The following GALNT3 variants were observed in gnomAD, a reference collection of about 807,000 sequenced individuals.
The protein encoded by GALNT3 is GalNAc transferase 3.
A neutral mutation model predicts 69.8 loss-of-function variants in GALNT3; 51 were observed. The observed-to-expected ratio is 0.73, with a 90% CI of 0.58 to 0.92. GALNT3 has a LOEUF of 0.92. Ranked by LOEUF, GALNT3 falls within the 40% of genes least tolerant of loss-of-function variation. The pLI is 0.00. For missense variants in GALNT3, 711 were observed against 760.0 expected (o/e 0.94, Z 0.76); for synonymous variants, 265 against 248.5 (o/e 1.07, Z -0.63).
intron 2 of GALNT3, 121 bp from the exon 3 acceptor site, chr2:165,765,177 T>A (rs958429901): frequency 2.6e-5 from 23 of 891,204 alleles, no homozygotes; most frequent in Non-Finnish European, 5.3e-6. Context: ...AGTTTTCTTG[T>A]ATGTGATATA....
chr2:165,761,731 A>T, intron 4 of GALNT3, 174 bp downstream of exon 4: 2 of 753,548 alleles, frequency 2.7e-6, no homozygotes, highest in Non-Finnish European at 4.8e-6. Context: ...AGTGAAAGGA[A>T]TTTTCTCCAC....
chr2:165,758,553 A>G, intron 6 of GALNT3, 194 bp downstream of exon 6: 3 of 475,548 alleles, frequency 6.3e-6, no homozygotes, highest in Non-Finnish European at 1.1e-5. Context: ...CTCTTGTTAC[A>G]CTGGCGACAA....
At chr2:165,762,357 C>T (rs1053331459) in intron 3 of GALNT3, among the ~76,000 whole-genome samples, 20 of 151,930 alleles carry the variant, frequency 1.3e-4, no homozygotes, top group Non-Finnish European at 2.1e-4. Flanking sequence ...CAACCCTAGC[C>T]GTTCAAAAGA....
At chr2:165,755,686 C>A (rs913313193) in intron 7 of GALNT3, among the ~76,000 whole-genome samples, 6 of 152,220 alleles carry the variant, frequency 3.9e-5, no homozygotes, top group Admixed American at 3.3e-4. Flanking sequence ...TTTTAAAAAA[C>A]CATTATTAAA....
rs895901555 is a variant in GALNT3 at position 165,761,957 on chromosome 2, C to A, written c.786G>T (p.Leu262Phe). ...CAGCTGTTGCGACTGTTGCTCCTAG[C>A]AACCGAGCAGTGATCAGACCTTTTC... ...RERKGLITAR[L>F]LGATVATAET... The change falls in exon 4 of 11, where the codon TTG (leucine) becomes TTT (phenylalanine). Residue 262 changes from leucine (L) to phenylalanine (F), a missense_variant. By Grantham distance (22) the Leu-to-Phe change is conservative. Transcript: ENST00000392701. 1 of 1,614,014 alleles carries A rather than the reference C, an allele frequency of 6.2e-7. No homozygotes were observed. The highest frequency in any genetic ancestry group is 8.5e-7 in the Non-Finnish European group (1 of 1,179,936).
At position 165,770,408 on chromosome 2, in the gene GALNT3, A is replaced by C. The variant is rs143136193; in HGVS notation, c.293T>G (p.Leu98Trp). ...TTCTGCTGCTGTATAATATCCTTGCAAACAAGGTCTCTCACCAGCATCAAT... is the reference window on the plus strand; with the variant it reads ...TTCTGCTGCTGTATAATATCCTTGCCAACAAGGTCTCTCACCAGCATCAAT... Reference protein sequence around the residue: ...QNIDAGERPCLQGYYTAAELK... With the variant: ...QNIDAGERPCWQGYYTAAELK... The change falls in exon 2 of 11, where the codon TTG becomes TGG. Residue 98 changes from leucine (L) to tryptophan (W), a missense_variant. Leu to Trp is a moderately conservative substitution (Grantham distance 61). Coordinates refer to ENST00000392701, the MANE Select transcript of GALNT3 (RefSeq NM_004482.4). 1.3e-4 allele frequency: 210 copies of C among 1,614,098 alleles called. No individual in the cohort carries two copies. The highest frequency in any genetic ancestry group is 8.7e-4 in the African/African-American group (65 of 74,940).
intron 1 of GALNT3, chr2:165,771,475 G>C (rs901885102): frequency 6.6e-6 from 1 of 152,124 alleles, no homozygotes; most frequent in East Asian, 1.9e-4. Context: ...ATAGTAAAAA[G>C]AGAATTCATT....
chr2:165,770,895 T>C (rs1326430145), intron 1 of GALNT3, 87 bp from the exon 2 acceptor site: 2 of 536,432 alleles, frequency 3.7e-6, no homozygotes, highest in Non-Finnish European at 6.4e-6. Context: ...CAACTGAACA[T>C]AAGCTACCAA....
At chr2:165,790,323 T>C (rs1683317144) in intron 1 of GALNT3, among the ~76,000 whole-genome samples, 1 of 152,206 alleles carries the variant, frequency 6.6e-6, no homozygotes, top group African/African-American at 2.4e-5. Context: ...GTCTTTGCTT[T>C]GCAATAAGTG....
At chr2:165,761,617 GAAA>G (rs71393694) in intron 4 of GALNT3, 7 of 542,854 alleles carry the variant, frequency 1.3e-5, no homozygotes, top group Non-Finnish European at 2.0e-5. Context: ...AAGAAACATG[GAAA>G]AAAAAAAAAG....
chr2:165,777,453 C>T (rs1682983850), intron 1 of GALNT3, among the ~76,000 whole-genome samples: 1 of 152,136 alleles, frequency 6.6e-6, no homozygotes, highest in Non-Finnish European at 1.5e-5. Flanking sequence ...ATTTAAAGAC[C>T]TTGCCCTGAT....
At position 165,770,414 on chromosome 2, in the gene GALNT3, G is replaced by C. The variant is rs779706950; in HGVS notation, c.287C>G (p.Pro96Arg). The change falls in exon 2 of 11, where the codon CCT (proline) becomes CGT (arginine). Residue 96 changes from proline (P) to arginine (R), a missense_variant. By Grantham distance (103) the Pro-to-Arg change is moderately radical. Coordinates refer to ENST00000392701, the MANE Select transcript of GALNT3 (RefSeq NM_004482.4). ...TGCTGTATAATATCCTTGCAAACAA[G>C]GTCTCTCACCAGCATCAATGTTTTG... Reference protein sequence around the residue: ...VRQNIDAGERPCLQGYYTAAE... With the variant: ...VRQNIDAGERRCLQGYYTAAE... 1 of 1,614,150 alleles carries C rather than the reference G, an allele frequency of 6.2e-7. No homozygotes were observed. The highest frequency in any genetic ancestry group is 1.7e-5 in the Admixed American group (1 of 60,012).
Position 165,750,710 on chromosome 2 carries a change from A to G in GALNT3, c.1627-816T>C, listed in dbSNP as rs6736053. On this transcript the variant is annotated intron_variant, in intron 9 of 10. Transcript: ENST00000392701. ...TAAGTGAATCACTACTGTTGCTAAG[A>G]TAAAGTCCACACTCCTTAATTGGTA... 7.7e-3 allele frequency among the ~76,000 whole-genome samples: 1,170 copies of G among 152,298 alleles called. 40 individuals carry two copies. Among genetic ancestry groups the G allele is most frequent in the Admixed American group, 0.061 (933 of 15,290 alleles).
chr2:165,771,182 A>C (rs1158411090), intron 1 of GALNT3: 1 of 152,478 alleles, frequency 6.6e-6, no homozygotes, highest in Non-Finnish European at 1.5e-5. Flanking sequence ...CAAAAAAGAG[A>C]GCTCCATAAG....
Position 165,757,074 on chromosome 2 carries a change from A to G in GALNT3, c.1365T>C (p.Asn455=). The G allele has an allele frequency of 6.2e-7, 1 of 1,613,862 alleles. No individual in the cohort carries two copies. Among genetic ancestry groups the G allele is most frequent in the Non-Finnish European group, 8.5e-7 (1 of 1,179,818 alleles). ...DEYKEIFYRR[N]TDAAKIVKQK... is the part of the protein sequence containing the mutation. Reference sequence around the variant, plus strand: ...GTTTAACAATTTTTGCTGCATCTGTATTTCTCCTATAAAATATTTCCTTGT... The same window carrying G: ...GTTTAACAATTTTTGCTGCATCTGTGTTTCTCCTATAAAATATTTCCTTGT... Residue 455 remains asparagine, a synonymous_variant, in exon 7 of 11, where the codon AAT becomes AAC. Coordinates refer to ENST00000392701, the MANE Select transcript of GALNT3 (RefSeq NM_004482.4).
At chr2:165,780,752 C>T (rs115946484) in intron 1 of GALNT3, among the ~76,000 whole-genome samples, 2,028 of 152,112 alleles carry the variant, frequency 0.013, 49 homozygotes, top group African/African-American at 0.047. Context: ...AAGGCAATGC[C>T]ATTAGAGTTG....
At chr2:165,751,447 T>C (rs1312559576) in intron 9 of GALNT3, among the ~76,000 whole-genome samples, 2 of 152,144 alleles carry the variant, frequency 1.3e-5, no homozygotes, top group Non-Finnish European at 2.9e-5. Context: ...ATGATGAAAA[T>C]AGCATTCTAG....
intron 2 of GALNT3, 188 bp downstream of exon 2, chr2:165,769,998 C>A: frequency 1.4e-6 from 1 of 690,750 alleles, no homozygotes; most frequent in Non-Finnish European, 2.5e-6. Flanking sequence ...ACTGCCTCAC[C>A]AAGCATAAAT....
intron 4 of GALNT3, among the ~76,000 whole-genome samples, chr2:165,761,080 C>T (rs147628149): frequency 9.5e-4 from 143 of 149,840 alleles, no homozygotes; most frequent in African/African-American, 3.4e-3. Context: ...ATTGAAAATT[C>T]GCAGACTCCT....
Sources: allele counts gnomAD v4.1 joint callset (sites outside exome capture counted in the v4.1 genomes callset), GRCh38; gene constraint gnomAD v4.1.1; transcripts MANE v1.5; gene names NCBI Gene and HGNC (gene_info 2026-07-23, HGNC 2026-07-21).